Variants in IPO11 observed in about 807,000 individuals in gnomAD.
The protein encoded by IPO11 is importin-11.
In IPO11, 66 loss-of-function variants were observed where a neutral mutation model predicts 143.2. The observed-to-expected ratio is 0.46, with a 90% CI of 0.38 to 0.57. The LOEUF (loss-of-function observed/expected upper bound fraction) is 0.57. Among genes scored for constraint, IPO11 ranks in the 20% least tolerant of loss-of-function variants. IPO11 has a pLI of 0.00. For missense variants in IPO11, 1,026 were observed against 1,141.0 expected (o/e 0.90, Z 1.45); for synonymous variants, 385 against 377.8 (o/e 1.02, Z -0.22).
chr5:62,493,449 GT>G (rs973034736), intron 15 of IPO11, among the ~76,000 whole-genome samples: 2 of 152,126 alleles, frequency 1.3e-5, no homozygotes, highest in Non-Finnish European at 2.9e-5. Flanking sequence ...AGATAAAAGA[GT>G]CAGGATTACA....
intron 28 of IPO11, among the ~76,000 whole-genome samples, chr5:62,598,526 CTT>C (rs371433782): frequency 4.1e-4 from 2 of 4,822 alleles, no homozygotes; most frequent in African/African-American, 2.8e-3. Context: ...TTCTTTCTTT[CTT>C]TTCTTTCTTT....
At chr5:62,519,930 C>G (rs1035256701) in intron 20 of IPO11, among the ~76,000 whole-genome samples, 2 of 152,200 alleles carry the variant, frequency 1.3e-5, no homozygotes, top group Non-Finnish European at 2.9e-5. Context: ...CTAGGGTCCC[C>G]TCTTGTTCCC....
chr5:62,462,228 A>G (rs1025471059), intron 5 of IPO11, among the ~76,000 whole-genome samples: 2 of 152,204 alleles, frequency 1.3e-5, no homozygotes, highest in Admixed American at 6.5e-5. Flanking sequence ...AGAAAAGGAG[A>G]TGATTTTATG....
chr5:62,627,202 T>C lies in IPO11; in HGVS notation c.2812T>C (p.Tyr938His). The C allele has an allele frequency of 6.2e-7, 1 of 1,614,166 alleles. No homozygotes were observed. Among genetic ancestry groups the C allele is most frequent in the Middle Eastern group, 1.7e-4 (1 of 6,058 alleles). ...TACAGTGTCACTGCAGCAGTTCATC[T>C]ACGAGAAGCTCAAGGCACAGCAGGA... Reference protein sequence around the residue: ...VHTVSLQQFIYEKLKAQQEML... With the variant: ...VHTVSLQQFIHEKLKAQQEML... Residue 938 changes from tyrosine (Y) to histidine (H), a missense_variant, in exon 30 of 30, where the codon TAC becomes CAC. Tyr to His is a moderately conservative substitution (Grantham distance 83, BLOSUM62 2). This residue lies in a region of IPO11 where 351 missense variants were observed against 358.9 expected (regional missense o/e 0.98). Transcript: ENST00000325324.
intron 28 of IPO11, among the ~76,000 whole-genome samples, chr5:62,598,654 C>G (rs377208282): frequency 6.1e-4 from 92 of 149,754 alleles, no homozygotes; most frequent in African/African-American, 2.2e-3. Flanking sequence ...AAGCAGTTCT[C>G]TCATCTCAGC....
chr5:62,416,649 C>G (rs186969157), intron 1 of IPO11, among the ~76,000 whole-genome samples: 1 of 152,090 alleles, frequency 6.6e-6, no homozygotes, highest in Non-Finnish European at 1.5e-5. Context: ...CCATAACATT[C>G]AGTTACTCCT....
chr5:62,602,959 T>TA (rs547706783), intron 29 of IPO11, among the ~76,000 whole-genome samples: 320 of 152,336 alleles, frequency 2.1e-3, no homozygotes, highest in African/African-American at 7.2e-3. Flanking sequence ...ACTGAAAAAT[T>TA]ACTGTTAAAA....
intron 27 of IPO11, among the ~76,000 whole-genome samples, chr5:62,589,571 A>G (rs1218787226): frequency 6.6e-6 from 1 of 152,088 alleles, no homozygotes; most frequent in East Asian, 1.9e-4. Context: ...CTTTCTCTTT[A>G]TTCCCATGTC....
At chr5:62,415,585 C>T (rs1743264546) in intron 1 of IPO11, among the ~76,000 whole-genome samples, 1 of 151,280 alleles carries the variant, frequency 6.6e-6, no homozygotes, top group Admixed American at 6.6e-5. Flanking sequence ...TCTCCTGCCT[C>T]AGCCTCCTGA....
intron 2 of IPO11, 78 bp downstream of exon 2, chr5:62,437,495 A>T: frequency 1.6e-6 from 2 of 1,285,438 alleles, no homozygotes; most frequent in South Asian, 1.6e-5. Flanking sequence ...CCCTAGTTTT[A>T]TTGGTAGTTT....
rs77320101 is a variant in IPO11 at position 62,539,598 on chromosome 5, A to T, written c.2250+2309A>T. 7.2e-3 allele frequency among the ~76,000 whole-genome samples: 1,100 copies of T among 152,304 alleles called. 13 individuals carry two copies. The highest frequency in any genetic ancestry group is 0.025 in the African/African-American group (1,036 of 41,560). On this transcript the variant is annotated intron_variant, in intron 24 of 29. Coordinates refer to ENST00000325324, the MANE Select transcript of IPO11 (RefSeq NM_016338.5). Reference sequence around the variant, plus strand: ...GCTCTAAAGGACTTGTAATAACAGTAATCTGTGCTTGTGGCTTGTTGAGAC... The same window carrying T: ...GCTCTAAAGGACTTGTAATAACAGTTATCTGTGCTTGTGGCTTGTTGAGAC...
intron 8 of IPO11, among the ~76,000 whole-genome samples, chr5:62,475,731 A>C (rs1235753909): frequency 8.5e-5 from 13 of 152,112 alleles, no homozygotes; most frequent in Non-Finnish European, 1.8e-4. Context: ...GATTTTGTAA[A>C]TCCCTTGTTC....
At chr5:62,470,728 TAA>T (rs947085140) in intron 7 of IPO11, among the ~76,000 whole-genome samples, 1 of 150,066 alleles carries the variant, frequency 6.7e-6, no homozygotes, top group Admixed American at 6.6e-5. Flanking sequence ...CACAATCAAT[TAA>T]AAAAATAAAT....
intron 16 of IPO11, among the ~76,000 whole-genome samples, chr5:62,504,189 A>G (rs1741459413): frequency 6.6e-6 from 1 of 152,158 alleles, no homozygotes; most frequent in Admixed American, 6.5e-5. Flanking sequence ...CAAATCTCAA[A>G]ATATTTTGGG....
chr5:62,515,535 A>G (rs1248371123), intron 20 of IPO11, 34 bp downstream of exon 20: 2 of 1,397,044 alleles, frequency 1.4e-6, no homozygotes, highest in Admixed American at 2.4e-5. Context: ...TTTTTAGTTT[A>G]GTGGTTTTTA....
chr5:62,606,680 C>CA (rs987504872), intron 29 of IPO11, among the ~76,000 whole-genome samples: 5 of 150,648 alleles, frequency 3.3e-5, no homozygotes, highest in African/African-American at 1.2e-4. Context: ...ACTAAAAATA[C>CA]AAAAAAATTA....
chr5:62,476,347 C>T (rs534625658), intron 8 of IPO11, among the ~76,000 whole-genome samples: 1 of 152,160 alleles, frequency 6.6e-6, no homozygotes, highest in African/African-American at 2.4e-5. Flanking sequence ...TGTGTTACTC[C>T]TTGACTACTT....
At position 62,580,956 on chromosome 5, in the gene IPO11, T is replaced by C. The variant is rs73760838; in HGVS notation, c.2583-10621T>C. 6,131 of 1,551,222 alleles carry C rather than the reference T, an allele frequency of 4.0e-3. 226 individuals are homozygous for C. The African/African-American group carries it at 0.073, about 19-fold the overall frequency. On this transcript the variant is annotated intron_variant, in intron 27 of 29. Transcript: ENST00000325324. ...AAAACAGTGCTCTACCGAATGATGC[T>C]GCTTCAATGTCAGGGAAAACATCTC... is the stretch of plus-strand genomic sequence containing the variant.
intron 2 of IPO11, among the ~76,000 whole-genome samples, chr5:62,437,674 G>C (rs146711759): frequency 6.6e-6 from 1 of 152,092 alleles, no homozygotes; most frequent in African/African-American, 2.4e-5. Context: ...GTTTTAGTAC[G>C]TTAAAAGTGT....
Sources: gnomAD v4.1 joint callset for allele counts (sites outside exome capture counted in the v4.1 genomes callset) on GRCh38, gnomAD v4.1.1 for gene constraint, gnomAD v4.1.1 regional missense constraint, MANE v1.5 for transcripts, NCBI Gene and HGNC (gene_info 2026-07-23, HGNC 2026-07-21) for gene names.